Variants in RIMS2 observed in about 807,000 individuals in gnomAD.
RIMS2 encodes the protein regulating synaptic membrane exocytosis 2, also known as regulating synaptic membrane exocytosis protein 2.
Under a neutral mutation model 174.4 loss-of-function variants are expected in RIMS2, and 59 were observed. That is an observed-to-expected ratio of 0.34 (90% confidence interval 0.27 to 0.42). The LOEUF (loss-of-function observed/expected upper bound fraction) is 0.42, where lower values mean the gene tolerates loss of function less well. Ranked by LOEUF, RIMS2 falls within the 10% of genes least tolerant of loss-of-function variation. The probability of loss-of-function intolerance (pLI) is 1.00; values close to 1 mark genes in which losing one functional copy is unlikely to be tolerated. For missense variants in RIMS2, 1,620 were observed against 1,666.3 expected, an observed-to-expected ratio of 0.97 and a Z score of 0.48; for synonymous variants, 606 against 572.5, an observed-to-expected ratio of 1.06 and a Z score of -0.84.
At chr8:104,147,434 G>T (rs1462887700) in intron 19 of RIMS2, among the ~76,000 whole-genome samples, 1 of 151,882 alleles carries the variant, frequency 6.6e-6, no homozygotes, top group Non-Finnish European at 1.5e-5. Context: ...GTAATATGTG[G>T]TTCTAGCCTT....
At chr8:103,965,313 A>G (rs1364402131) in intron 15 of RIMS2, among the ~76,000 whole-genome samples, 1 of 151,908 alleles carries the variant, frequency 6.6e-6, no homozygotes, top group African/African-American at 2.4e-5. Flanking sequence ...GTTCTTTTTT[A>G]TTTCATTCAT....
At chr8:103,888,424 G>C (rs2099220378) in intron 4 of RIMS2, among the ~76,000 whole-genome samples, 2 of 151,170 alleles carry the variant, frequency 1.3e-5, no homozygotes. Context: ...ACTTCCTTAA[G>C]TATATTTAAT....
intron 21 of RIMS2, among the ~76,000 whole-genome samples, chr8:104,249,162 G>T (rs1665785251): frequency 6.6e-6 from 1 of 151,594 alleles, no homozygotes; most frequent in South Asian, 2.1e-4. Flanking sequence ...CAAACTCCTG[G>T]CCTCAAGCGA....
intron 1 of RIMS2, among the ~76,000 whole-genome samples, chr8:103,635,942 G>A (rs1316812474): frequency 6.6e-6 from 1 of 151,984 alleles, no homozygotes; most frequent in Non-Finnish European, 1.5e-5. Flanking sequence ...TTAGTTGGGA[G>A]GTCTTGCCCA....
intron 2 of RIMS2, among the ~76,000 whole-genome samples, chr8:103,712,524 A>C (rs1368911244): frequency 1.3e-5 from 2 of 152,192 alleles, no homozygotes; most frequent in East Asian, 3.8e-4. Context: ...TGATGTGCTC[A>C]TCAGTAGTTA....
At chr8:103,671,889 A>G (rs1238198628) in intron 1 of RIMS2, among the ~76,000 whole-genome samples, 3 of 152,208 alleles carry the variant, frequency 2.0e-5, no homozygotes, top group Non-Finnish European at 4.4e-5. Flanking sequence ...TGCTTCCCAT[A>G]TGCTTTAACA....
chr8:104,094,874 A>G lies in RIMS2; in HGVS notation c.3334+80259A>G, dbSNP rs1034593275. On this transcript the variant is annotated intron_variant, in intron 19 of 23. Coordinates refer to ENST00000504942, the Ensembl canonical transcript of RIMS2. ...AATATTACTAATTAATATGTTGGCA[A>G]ACTATTATCAAATAGATTGATTTAT... 3 of 551,942 alleles carry G rather than the reference A, an allele frequency of 5.4e-6. No individual in the cohort carries two copies. The African/African-American group carries it at 5.7e-5, about 11-fold the overall frequency. 34.2% of individuals were successfully genotyped at this position (551,942 alleles called of 1,614,324 possible).
At chr8:104,226,793 G>A (rs1297397349) in intron 19 of RIMS2, among the ~76,000 whole-genome samples, 1 of 152,090 alleles carries the variant, frequency 6.6e-6, no homozygotes, top group East Asian at 1.9e-4. Flanking sequence ...ACACACCTTT[G>A]AAAAGAATTT....
intron 1 of RIMS2, among the ~76,000 whole-genome samples, chr8:103,587,114 GAC>G (rs1249433589): frequency 1.3e-5 from 2 of 151,942 alleles, no homozygotes; most frequent in Non-Finnish European, 2.9e-5. Flanking sequence ...AGAAGAAATG[GAC>G]AAATTTCTAG....
chr8:103,619,293 T>TC (rs2095579690), intron 1 of RIMS2, among the ~76,000 whole-genome samples: 1 of 152,038 alleles, frequency 6.6e-6, no homozygotes, highest in Non-Finnish European at 1.5e-5. Flanking sequence ...GTTGTATTTT[T>TC]TAAAAACTAA....
chr8:103,885,786 C>G (rs2099197189), exon 4 of RIMS2: 1 of 1,612,818 alleles, frequency 6.2e-7, no homozygotes, highest in African/African-American at 1.3e-5. Context: ...AGGCAAAGAT[C>G]TATATCAGAA....
Position 104,166,944 on chromosome 8 carries a change from A to G in RIMS2, c.3335-77972A>G, listed in dbSNP as rs192748890. On this transcript the variant is annotated intron_variant, in intron 19 of 23. Coordinates refer to ENST00000504942, the Ensembl canonical transcript of RIMS2. ...CCTCCAGCTCCGTTGAAGTTACTGC[A>G]CAAGACATTATTTCATTCCGTTTTA... Among the ~76,000 whole-genome samples, 300 of 152,266 alleles carry G rather than the reference A, an allele frequency of 2.0e-3. 1 individual carries two copies. The highest frequency in any genetic ancestry group is 7.0e-3 in the African/African-American group (293 of 41,564).
intron 3 of RIMS2, among the ~76,000 whole-genome samples, chr8:103,837,635 GT>G (rs532726028): frequency 1.7e-4 from 26 of 152,258 alleles, no homozygotes; most frequent in African/African-American, 6.3e-4. Flanking sequence ...CCTTGCGATA[GT>G]TTGCTGAGAA....
chr8:104,081,487 T>A lies in RIMS2; in HGVS notation c.3334+66872T>A, dbSNP rs889168555. Among the ~76,000 whole-genome samples the A allele has an allele frequency of 3.2e-4, 49 of 151,960 alleles. 1 individual carries two copies. ...ATTATTTAGGTCATTTTAGATAGAT[T>A]TTTCAAAATTTCAAAAAAGGCTGAA... is the stretch of plus-strand genomic sequence containing the variant. On this transcript the variant is annotated intron_variant, in intron 19 of 23. Transcript: ENST00000504942.
intron 17 of RIMS2, chr8:103,998,042 G>A: frequency 1.7e-6 from 1 of 586,630 alleles, no homozygotes; most frequent in African/African-American, 1.9e-5. Flanking sequence ...GGGAGGAGGG[G>A]GCAAGCTTTC....
intron 19 of RIMS2, among the ~76,000 whole-genome samples, chr8:104,186,506 A>G (rs1024768911): frequency 7.2e-5 from 11 of 151,776 alleles, no homozygotes; most frequent in African/African-American, 2.4e-4. Context: ...TTTGACTTCT[A>G]GCAATGCCAG....
At chr8:103,674,484 GT>G (rs200499128) in intron 1 of RIMS2, among the ~76,000 whole-genome samples, 8 of 151,458 alleles carry the variant, frequency 5.3e-5, no homozygotes, top group East Asian at 3.9e-4. Context: ...ATTTTTAACT[GT>G]TTTTTTTGTA....
chr8:103,761,252 T>C (rs1346256401), intron 2 of RIMS2, among the ~76,000 whole-genome samples: 3 of 152,254 alleles, frequency 2.0e-5, no homozygotes, highest in African/African-American at 7.2e-5. Context: ...TTCATATTCA[T>C]GCCCTGGTAA....
chr8:104,202,810 A>G (rs961283861), intron 19 of RIMS2, among the ~76,000 whole-genome samples: 2 of 152,230 alleles, frequency 1.3e-5, no homozygotes, highest in African/African-American at 4.8e-5. Flanking sequence ...ACTTCAACAT[A>G]TGAATTTTGG....
Sources: allele counts gnomAD v4.1 joint callset (sites outside exome capture counted in the v4.1 genomes callset), GRCh38; gene constraint gnomAD v4.1.1; transcripts MANE v1.5; gene names NCBI Gene and HGNC (gene_info 2026-07-23, HGNC 2026-07-21).